The following DNAH11 variants were observed in gnomAD, a reference collection of about 807,000 sequenced individuals.
DNAH11 encodes the protein dynein axonemal heavy chain 11, also known as axonemal beta dynein heavy chain 11.
In DNAH11, 442 loss-of-function variants were observed where a neutral mutation model predicts 526.0. That is an observed-to-expected ratio of 0.84 (90% CI 0.78 to 0.91). The LOEUF (loss-of-function observed/expected upper bound fraction) is 0.91. Among genes scored for constraint, DNAH11 ranks in the 40% least tolerant of loss-of-function variants. The pLI is 0.00. For missense variants in DNAH11, 6,989 were observed against 5,448.7 expected (o/e 1.28, Z -8.90); for synonymous variants, 2,461 against 1,935.9 (o/e 1.27, Z -7.12).
chr7:21,544,752 T>G (rs1782743746), intron 1 of DNAH11, among the ~76,000 whole-genome samples: 1 of 152,108 alleles, frequency 6.6e-6, no homozygotes, highest in African/African-American at 2.4e-5. Flanking sequence ...TATAATGAAC[T>G]GGTATAATTG....
Position 21,901,562 on chromosome 7 carries a change from C to A in DNAH11, c.*308C>A, listed in dbSNP as rs1184006268. The A allele has an allele frequency of 9.7e-6, 2 of 206,924 alleles. No individual in the cohort carries two copies. Among genetic ancestry groups the A allele is most frequent in the Non-Finnish European group, 1.9e-5 (2 of 104,848 alleles). The allele number at this position is 206,924 out of a possible 1,614,324, so 12.8% of individuals were successfully genotyped here. A position where few individuals can be genotyped will look rare whatever the true frequency, so the allele number is the denominator to read the frequency against. On this transcript the variant is annotated 3_prime_UTR_variant, in exon 82 of 82. Transcript: ENST00000409508. ...CCCTCCTGGGCAACAGAACAAGACT[C>A]CATCTCAAAAAAAAAAAAGTACATC...
At chr7:21,652,174 G>C (rs532224759) in intron 28 of DNAH11, among the ~76,000 whole-genome samples, 4 of 152,316 alleles carry the variant, frequency 2.6e-5, no homozygotes, top group Non-Finnish European at 5.9e-5. Context: ...GGGGAACTTA[G>C]TGAAGATAAA....
At chr7:21,852,130 C>T (rs550533500) in intron 66 of DNAH11, among the ~76,000 whole-genome samples, 161 of 152,186 alleles carry the variant, frequency 1.1e-3, no homozygotes, top group Middle Eastern at 6.8e-3. Context: ...CTTGTCCAGG[C>T]GCAGTGGCTC....
At chr7:21,609,721 T>G (rs571209389) in intron 20 of DNAH11, among the ~76,000 whole-genome samples, 1 of 152,242 alleles carries the variant, frequency 6.6e-6, no homozygotes, top group Admixed American at 6.5e-5. Context: ...CACAAGAACA[T>G]AAAACAAATC....
chr7:21,722,836 C>G (rs1018602647), intron 44 of DNAH11, among the ~76,000 whole-genome samples: 1 of 152,134 alleles, frequency 6.6e-6, no homozygotes, highest in Non-Finnish European at 1.5e-5. Context: ...CAATATTTAC[C>G]CTTTTCTCCC....
At position 21,901,476 on chromosome 7, in the gene DNAH11, G is replaced by GGAGAATC. The variant is rs1428226837; in HGVS notation, c.*223_*229dup. 1 of 496,594 alleles carries GGAGAATC rather than the reference G, an allele frequency of 2.0e-6. No individual in the cohort carries two copies. The highest frequency in any genetic ancestry group is 4.8e-5 in the East Asian group (1 of 20,956). 30.8% of individuals were successfully genotyped at this position (496,594 alleles called of 1,614,324 possible). A position where few individuals can be genotyped will look rare whatever the true frequency, so the allele number is the denominator to read the frequency against. On this transcript the variant is annotated 3_prime_UTR_variant, in exon 82 of 82. Transcript: ENST00000409508. ...TGTAATCCCAGTTACTCAGGAGGTA[G>GGAGAATC]GAGAATCACTTGAACCTAGGAGGCA...
At chr7:21,665,180 C>T (rs1385206510) in intron 30 of DNAH11, among the ~76,000 whole-genome samples, 1 of 151,830 alleles carries the variant, frequency 6.6e-6, no homozygotes, top group African/African-American at 2.4e-5. Flanking sequence ...CCCTTTCTAC[C>T]TTTCTCATGT....
At chr7:21,808,571 A>G (rs1789374782) in intron 63 of DNAH11, among the ~76,000 whole-genome samples, 1 of 152,156 alleles carries the variant, frequency 6.6e-6, no homozygotes, top group Admixed American at 6.5e-5. Context: ...TCTGGTAACC[A>G]TCATTCTACT....
intron 28 of DNAH11, among the ~76,000 whole-genome samples, chr7:21,646,055 C>T (rs1389140085): frequency 6.6e-6 from 1 of 152,128 alleles, no homozygotes; most frequent in Middle Eastern, 3.4e-3. Context: ...ACAAAAGACT[C>T]ATATATGGAA....
At chr7:21,835,831 G>T (rs562140522) in intron 65 of DNAH11, among the ~76,000 whole-genome samples, 1 of 142,876 alleles carries the variant, frequency 7.0e-6, no homozygotes, top group African/African-American at 2.6e-5. Flanking sequence ...GTTTGCAGAT[G>T]ACATGATTGT....
intron 54 of DNAH11, among the ~76,000 whole-genome samples, chr7:21,755,545 A>T (rs971144418): frequency 1.3e-5 from 2 of 152,178 alleles, no homozygotes; most frequent in African/African-American, 4.8e-5. Context: ...ATAATTTAAA[A>T]AATATGTGTT....
intron 65 of DNAH11, among the ~76,000 whole-genome samples, chr7:21,819,250 G>A (rs1301985788): frequency 4.6e-5 from 7 of 151,710 alleles, no homozygotes; most frequent in African/African-American, 1.5e-4. Context: ...TAAGGTATCT[G>A]TCCCCTTTTT....
At chr7:21,837,748 A>G (rs1170813547) in intron 65 of DNAH11, among the ~76,000 whole-genome samples, 1 of 152,184 alleles carries the variant, frequency 6.6e-6, no homozygotes, top group Non-Finnish European at 1.5e-5. Context: ...GTTAGGAGGA[A>G]TACGTTCTGG....
At chr7:21,738,674 G>C (rs772922213) in intron 46 of DNAH11, 27 bp from the exon 47 acceptor site, 6 of 1,535,324 alleles carry the variant, frequency 3.9e-6, no homozygotes, top group Non-Finnish European at 4.4e-6. Flanking sequence ...CTGTTGATGG[G>C]TGGACAGAAA....
intron 30 of DNAH11, among the ~76,000 whole-genome samples, chr7:21,667,724 G>A (rs1338367627): frequency 6.6e-6 from 1 of 152,000 alleles, no homozygotes; most frequent in Admixed American, 6.6e-5. Context: ...TACAATAAAG[G>A]GATAGGGAAA....
At chr7:21,736,385 G>T (rs965528490) in intron 46 of DNAH11, among the ~76,000 whole-genome samples, 11 of 152,162 alleles carry the variant, frequency 7.2e-5, no homozygotes, top group African/African-American at 2.7e-4. Flanking sequence ...AGAGACATGG[G>T]ATGTAGAGAG....
chr7:21,701,639 C>CTTTTA (rs1206596849), intron 36 of DNAH11, among the ~76,000 whole-genome samples: 2 of 152,114 alleles, frequency 1.3e-5, no homozygotes, highest in Non-Finnish European at 2.9e-5. Context: ...ATTTCGTTCC[C>CTTTTA]TTTTATTACA....
rs1783203135 is a variant in DNAH11, at chr7:21,864,673, A to G, written c.11496+16A>G. 4 of 1,559,322 alleles carry G rather than the reference A, an allele frequency of 2.6e-6. No homozygotes were observed. Among genetic ancestry groups the G allele is most frequent in the Middle Eastern group, 1.7e-4 (1 of 5,864 alleles). The stretch of plus-strand genomic sequence containing the variant: ...TGCTATCAAGGTATGTTAGGAATAC[A>G]GTTTCTCAAATTCTGGATCTTATTT... On this transcript the variant is annotated intron_variant, in intron 70 of 81. Transcript: ENST00000409508.
At chr7:21,721,408 T>C (rs1435605127) in intron 44 of DNAH11, among the ~76,000 whole-genome samples, 1 of 152,178 alleles carries the variant, frequency 6.6e-6, no homozygotes, top group Non-Finnish European at 1.5e-5. Flanking sequence ...TAGATTGCTC[T>C]GGTTATCATA....
Sources: gnomAD v4.1 joint callset for allele counts (sites outside exome capture counted in the v4.1 genomes callset) on GRCh38, gnomAD v4.1.1 for gene constraint, MANE v1.5 for transcripts, NCBI Gene and HGNC (gene_info 2026-07-23, HGNC 2026-07-21) for gene names.